The following MAP1S variants were observed in gnomAD, a reference collection of about 807,000 sequenced individuals.
MAP1S encodes microtubule associated protein 1S, also known as microtubule-associated protein 1S.
MAP1S carries 27 observed loss-of-function variants against 60.9 expected under a neutral mutation model. That is an observed-to-expected ratio of 0.44 (90% CI 0.33 to 0.61). The LOEUF is 0.61. Among genes scored for constraint, MAP1S ranks in the 20% least tolerant of loss-of-function variants. The pLI is 0.03. For missense variants in MAP1S, 1,608 were observed against 1,486.6 expected, an observed-to-expected ratio of 1.08 and a Z score of -1.34; for synonymous variants, 826 against 694.2, an observed-to-expected ratio of 1.19 and a Z score of -2.98.
chr19:17,733,675 C>G (rs1285858340), intron 6 of MAP1S, among the ~76,000 whole-genome samples: 1 of 152,186 alleles, frequency 6.6e-6, no homozygotes, highest in Non-Finnish European at 1.5e-5. Context: ...ATGGTTCTAT[C>G]CCTTCCCCAG....
chr19:17,725,596 G>A lies in MAP1S; in HGVS notation c.445-233G>A, dbSNP rs1157203826. ...TGGAGGGAGCTGTGCCCTGGGAGGAGAGAATGGTGAGTGTAAAGGCCCTGG... is the reference window on the plus strand; with the variant it reads ...TGGAGGGAGCTGTGCCCTGGGAGGAAAGAATGGTGAGTGTAAAGGCCCTGG... On this transcript the variant is annotated intron_variant, in intron 4 of 6. Transcript: ENST00000324096. This position sits in a 1 kb window ranked among gnomAD's most constrained non-coding sequence, Gnocchi z 4.2. 1.3e-5 allele frequency among the ~76,000 whole-genome samples: 2 copies of A among 152,218 alleles called. No individual in the cohort carries two copies. The highest frequency in any genetic ancestry group is 1.5e-5 in the Non-Finnish European group (1 of 68,030).
chr19:17,731,583 C>T (rs2080493665), intron 5 of MAP1S, among the ~76,000 whole-genome samples: 1 of 152,208 alleles, frequency 6.6e-6, no homozygotes, highest in Non-Finnish European at 1.5e-5. Context: ...GTTTAATCTC[C>T]TTTTCACATT....
rs560920954 is a variant in MAP1S, at chr19:17,719,525, G to T, written c.23G>T (p.Gly8Val). Residue 8 changes from glycine to valine, a missense_variant, in exon 1 of 7, where the codon GGG (glycine) becomes GTG (valine). Physicochemically the swap from Gly to Val is moderately radical, Grantham distance 109. Around this residue, in one of 4 missense-constraint regions of MAP1S, gnomAD observed 45 missense variants for 22.0 expected, o/e 2.04. Transcript: ENST00000324096. MAAVAGS[G>V]AAAAPSSLLL... ...AAGATGGCGGCGGTGGCTGGATCTG[G>T]GGCTGCCGCGGCTCCGAGCTCACTG... The T allele has an allele frequency of 5.6e-6, 7 of 1,245,856 alleles. No individual in the cohort carries two copies. Among genetic ancestry groups the T allele is most frequent in the African/African-American group, 1.6e-5 (1 of 64,396 alleles). The allele number at this position is 1,245,856 out of a possible 1,614,324, so 77.2% of individuals were successfully genotyped here. A position where few individuals can be genotyped will look rare whatever the true frequency, so the allele number is the denominator to read the frequency against.
chr19:17,720,575 C>T, intron 1 of MAP1S: 1 of 1,398,528 alleles, frequency 7.2e-7, no homozygotes. Flanking sequence ...GAAGGGCCCC[C>T]TGGCCAGTAG....
Position 17,727,205 on chromosome 19 carries a change from C to T in MAP1S, c.1821C>T (p.Ala607=). Residue 607 remains alanine, a synonymous_variant, in exon 5 of 7, where the codon GCC becomes GCT. Transcript: ENST00000324096. The surrounding 1 kb of genome is among the most constrained non-coding windows in gnomAD (Gnocchi z 4.1). ...ACGSPASQLV[A]TPSLELGPIP... ...GCTCTCCGGCCTCCCAGCTGGTGGC[C>T]ACGCCCAGCCTGGAGCTGGGGCCGA... The T allele has an allele frequency of 6.4e-7, 1 of 1,570,944 alleles. No individual in the cohort carries two copies. Among genetic ancestry groups the T allele is most frequent in the Non-Finnish European group, 8.6e-7 (1 of 1,162,744 alleles).
rs1163066858 is a variant in MAP1S at position 17,734,390 on chromosome 19, C to A, written c.3142C>A (p.Gln1048Lys). ...GGGCAGCAACAGCATGGTGTCCATG[C>A]AGGATGACGCCTTCCCGGCCTGCAA... ...VLGSNSMVSMQDDAFPACKVE... is the reference protein window; with the variant it reads ...VLGSNSMVSMKDDAFPACKVE... Residue 1048 changes from glutamine (Q) to lysine (K), a missense_variant, in exon 7 of 7, where the codon CAG becomes AAG. Physicochemically the swap from Gln to Lys is moderately conservative, Grantham distance 53. This residue lies in a region of MAP1S where 76 missense variants were observed against 110.1 expected (regional missense o/e 0.69). Coordinates refer to ENST00000324096, the MANE Select transcript of MAP1S (RefSeq NM_018174.6). 1 of 1,613,366 alleles carries A rather than the reference C, an allele frequency of 6.2e-7. No homozygotes were observed. The highest frequency in any genetic ancestry group is 1.1e-5 in the South Asian group (1 of 91,084).
rs762505330 is a variant in MAP1S, at chr19:17,727,304, C to T, written c.1920C>T (p.Ser640=). The change falls in exon 5 of 7, where the codon TCC becomes TCT. Residue 640 remains serine (S), a synonymous_variant. Coordinates refer to ENST00000324096, the MANE Select transcript of MAP1S (RefSeq NM_018174.6). This position sits in a 1 kb window ranked among gnomAD's most constrained non-coding sequence, Gnocchi z 4.1. ...ASSIPRPRTP[S]PESHRSPAEG... ...CAATCCCAAGGCCACGCACACCCTC[C>T]CCTGAGTCCCACCGGAGCCCCGCAG... The T allele has an allele frequency of 1.6e-5, 26 of 1,591,692 alleles. 1 individual carries two copies. In the East Asian group the frequency reaches 4.6e-4, roughly 28 times the overall value.
At chr19:17,724,933 C>A in intron 3 of MAP1S, 116 bp from the exon 4 acceptor site, 4 of 1,324,548 alleles carry the variant, frequency 3.0e-6, no homozygotes, top group South Asian at 2.4e-5. Flanking sequence ...CTGGGCTGGT[C>A]GTGGGGTGAG....
chr19:17,731,584 T>G (rs897546840), intron 5 of MAP1S, among the ~76,000 whole-genome samples: 1 of 152,244 alleles, frequency 6.6e-6, no homozygotes, highest in Non-Finnish European at 1.5e-5. Context: ...TTTAATCTCC[T>G]TTTCACATTG....
In MAP1S at chr19:17,726,752, G is replaced by A. The variant is rs1278826766; in HGVS notation, c.1368G>A (p.Glu456=). 8 of 1,572,140 alleles carry A rather than the reference G, an allele frequency of 5.1e-6. No homozygotes were observed. The highest frequency in any genetic ancestry group is 1.2e-5 in the South Asian group (1 of 86,292). The change falls in exon 5 of 7, where the codon GAG becomes GAA. Residue 456 remains glutamate (E), a synonymous_variant. Coordinates refer to ENST00000324096, the MANE Select transcript of MAP1S (RefSeq NM_018174.6). ...TGCAGCACTTGAGGTTCCTGCGAGA[G>A]CCCGTGGTGACGCCCCAGGACCTGG... ...VRLQHLRFLR[E]PVVTPQDLEG...
At chr19:17,730,447 G>A (rs774116818) in intron 5 of MAP1S, among the ~76,000 whole-genome samples, 1 of 152,138 alleles carries the variant, frequency 6.6e-6, no homozygotes, top group Non-Finnish European at 1.5e-5. Flanking sequence ...CCAAGTAGCT[G>A]GGACTACACA....
Position 17,727,822 on chromosome 19 carries a change from C to T in MAP1S, c.2438C>T (p.Thr813Ile). 1 of 1,613,408 alleles carries T rather than the reference C, an allele frequency of 6.2e-7. No individual in the cohort carries two copies. Among genetic ancestry groups the T allele is most frequent in the African/African-American group, 1.3e-5 (1 of 74,992 alleles). Residue 813 changes from threonine (T) to isoleucine (I), a missense_variant, in exon 5 of 7, where the codon ACA becomes ATA. By Grantham distance (89) the Thr-to-Ile change is moderately conservative. Around this residue, in one of 4 missense-constraint regions of MAP1S, gnomAD observed 1,167 missense variants for 961.4 expected, o/e 1.21. Transcript: ENST00000324096. The surrounding 1 kb of genome is among the most constrained non-coding windows in gnomAD (Gnocchi z 4.1). ...GGTGCGGCAGACTCAGACGAAGACA[C>T]AGAGGGCTTTGGAGTCCCTCGCCAC... is the stretch of plus-strand genomic sequence containing the variant. ...APGAADSDEDTEGFGVPRHDP... is the reference protein window; with the variant it reads ...APGAADSDEDIEGFGVPRHDP...
intron 2 of MAP1S, among the ~76,000 whole-genome samples, chr19:17,722,950 C>T (rs1056150742): frequency 2.0e-5 from 3 of 152,214 alleles, no homozygotes; most frequent in Non-Finnish European, 2.9e-5. Context: ...GCCTTGTTCA[C>T]AGTTCAGTCC....
rs1452183943 is a variant in MAP1S at position 17,727,780 on chromosome 19, C to T, written c.2396C>T (p.Pro799Leu). The T allele has an allele frequency of 6.2e-7, 1 of 1,611,616 alleles. No individual in the cohort carries two copies. The highest frequency in any genetic ancestry group is 2.2e-5 in the East Asian group (1 of 44,764). Residue 799 changes from proline (P) to leucine (L), a missense_variant, in exon 5 of 7, where the codon CCC (proline) becomes CTC (leucine). Pro to Leu is a moderately conservative substitution (Grantham distance 98). Coordinates refer to ENST00000324096, the MANE Select transcript of MAP1S (RefSeq NM_018174.6). The surrounding 1 kb of genome is among the most constrained non-coding windows in gnomAD (Gnocchi z 4.1). ...CTGCCCACCCTGTCTGACTCGGATC[C>T]CGTGCCCCTGGCCCCCGGTGCGGCA... ...ESLPTLSDSD[P>L]VPLAPGAADS...
intron 5 of MAP1S, among the ~76,000 whole-genome samples, chr19:17,731,836 T>A (rs1042766463): frequency 6.6e-6 from 1 of 152,172 alleles, no homozygotes; most frequent in East Asian, 1.9e-4. Flanking sequence ...CAGCTAATTT[T>A]TGTATTTTTA....
At chr19:17,719,987 G>T in intron 1 of MAP1S, 11 of 417,910 alleles carry the variant, frequency 2.6e-5, no homozygotes, top group South Asian at 8.6e-5. Flanking sequence ...GGGTCGCTTT[G>T]GATCTCCAGG....
At chr19:17,720,540 C>G in intron 1 of MAP1S, 1 of 1,466,498 alleles carries the variant, frequency 6.8e-7, no homozygotes, top group Non-Finnish European at 9.0e-7. Context: ...GACAGTCAGT[C>G]TTAGCACCCG....
At chr19:17,722,367 G>A (rs2080377850) in intron 2 of MAP1S, among the ~76,000 whole-genome samples, 1 of 152,250 alleles carries the variant, frequency 6.6e-6, no homozygotes. Flanking sequence ...AGGGAGGATC[G>A]CTTTTACCCA....
At chr19:17,724,467 CT>C (rs1466944919) in intron 3 of MAP1S, among the ~76,000 whole-genome samples, 1 of 152,146 alleles carries the variant, frequency 6.6e-6, no homozygotes, top group African/African-American at 2.4e-5. Context: ...CAGCGTGGGT[CT>C]GGAGGTGGGA....
Sources: gnomAD v4.1 joint callset for allele counts (sites outside exome capture counted in the v4.1 genomes callset) on GRCh38, gnomAD v4.1.1 for gene constraint, gnomAD v4.1.1 regional missense constraint, Gnocchi (gnomAD v3.1) non-coding constraint, MANE v1.5 for transcripts, NCBI Gene and HGNC (gene_info 2026-07-23, HGNC 2026-07-21) for gene names.